The following WDR49 variants were observed in gnomAD, a reference collection of about 807,000 sequenced individuals.
WDR49 encodes cilia- and flagella-associated protein 337.
Under a neutral mutation model 119.5 loss-of-function variants are expected in WDR49, and 107 were observed. That is an observed-to-expected ratio of 0.90 (90% CI 0.77 to 1.05). The LOEUF (loss-of-function observed/expected upper bound fraction) is 1.05, where lower values mean the gene tolerates loss of function less well. WDR49 is among the 50% of genes least tolerant of loss of function. WDR49 has a pLI of 0.00. For synonymous variants in WDR49, 425 were observed against 418.8 expected (o/e 1.01, Z -0.18); for missense variants, 1,240 against 1,220.5 (o/e 1.02, Z -0.24).
intron 8 of WDR49, among the ~76,000 whole-genome samples, chr3:167,572,938 T>C (rs1236829010): frequency 6.6e-6 from 1 of 152,060 alleles, no homozygotes; most frequent in African/African-American, 2.4e-5. Context: ...GAAGCAGAGG[T>C]AGGGAAAAAC....
intron 18 of WDR49, among the ~76,000 whole-genome samples, chr3:167,490,363 A>G (rs942111722): frequency 6.6e-5 from 10 of 152,122 alleles, no homozygotes; most frequent in Non-Finnish European, 1.2e-4. Flanking sequence ...ATGTAGAGCA[A>G]TAGGAAGGAT....
intron 7 of WDR49, among the ~76,000 whole-genome samples, chr3:167,596,901 T>TAAATAAATAAAG (rs1715489545): frequency 7.3e-6 from 1 of 136,064 alleles, no homozygotes; most frequent in African/African-American, 2.7e-5. Context: ...AATAAATAAA[T>TAAATAAATAAAG]AAAGATGTTT....
In WDR49 at chr3:167,575,922, T is replaced by C. The variant is rs1378563391; in HGVS notation, c.1505A>G (p.Lys502Arg). 1 of 1,614,084 alleles carries C rather than the reference T, an allele frequency of 6.2e-7. No individual in the cohort carries two copies. The highest frequency in any genetic ancestry group is 8.5e-7 in the Non-Finnish European group (1 of 1,179,940). Residue 502 changes from lysine to arginine, a missense_variant, in exon 8 of 19, where the codon AAG becomes AGG. By Grantham distance (26) the Lys-to-Arg change is conservative. Coordinates refer to ENST00000682715, the MANE Select transcript of WDR49 (RefSeq NM_001366157.1). ...VTCVLYNSIL[K>R]QVISSDTGST... ...AAGAAAAGAAAGCATCATTACCTGC[T>C]TCAAGATAGAATTGTAAAGAACACA...
chr3:167,602,227 A>G lies in WDR49; in HGVS notation c.1175T>C (p.Val392Ala), dbSNP rs1447142867. The G allele has an allele frequency of 6.2e-7, 1 of 1,602,694 alleles. No individual in the cohort carries two copies. Among genetic ancestry groups the G allele is most frequent in the Non-Finnish European group, 8.5e-7 (1 of 1,171,724 alleles). Residue 392 changes from valine to alanine, a missense_variant, in exon 7 of 19, where the codon GTC becomes GCC. Coordinates refer to ENST00000682715, the MANE Select transcript of WDR49 (RefSeq NM_001366157.1). ...CCAAAGGACACCCACTGGTTTAGAG[A>G]CAACATAGGGATTCCAAAGGCAAAC... ...NKVCLWNPYVVSKPVGVLWGH... is the reference protein window; with the variant it reads ...NKVCLWNPYVASKPVGVLWGH...
intron 2 of WDR49, among the ~76,000 whole-genome samples, chr3:167,637,539 G>C (rs1717679984): frequency 6.6e-6 from 1 of 151,254 alleles, no homozygotes; most frequent in Non-Finnish European, 1.5e-5. Flanking sequence ...GAATAGTGGT[G>C]GTATTTTGAT....
At chr3:167,546,217 C>A (rs1053517132) in intron 10 of WDR49, among the ~76,000 whole-genome samples, 1 of 151,764 alleles carries the variant, frequency 6.6e-6, no homozygotes, top group African/African-American at 2.4e-5. Context: ...GAATTAACAC[C>A]AAAAGCACAA....
chr3:167,479,642 C>A (rs1037632734), intron 18 of WDR49, among the ~76,000 whole-genome samples: 10 of 152,128 alleles, frequency 6.6e-5, no homozygotes, highest in Non-Finnish European at 1.2e-4. Context: ...GACTAAGTCA[C>A]AACCTTTCTT....
chr3:167,562,103 G>T (rs1376249905), intron 8 of WDR49, among the ~76,000 whole-genome samples: 1 of 152,094 alleles, frequency 6.6e-6, no homozygotes, highest in African/African-American at 2.4e-5. Context: ...AGTTTTACTG[G>T]GAGAGGGCCC....
At chr3:167,652,923 G>T (rs1484145137) in intron 2 of WDR49, among the ~76,000 whole-genome samples, 2 of 152,186 alleles carry the variant, frequency 1.3e-5, no homozygotes, top group Non-Finnish European at 2.9e-5. Flanking sequence ...TCACCTTAGA[G>T]ATCTGGCTTT....
At chr3:167,538,562 C>T (rs113941387) in intron 10 of WDR49, among the ~76,000 whole-genome samples, 3 of 152,056 alleles carry the variant, frequency 2.0e-5, no homozygotes, top group African/African-American at 7.2e-5. Flanking sequence ...CATTCTTCAT[C>T]TGGCTACTAG....
intron 18 of WDR49, among the ~76,000 whole-genome samples, chr3:167,483,676 T>G (rs1750810808): frequency 6.6e-6 from 1 of 152,152 alleles, no homozygotes; most frequent in Admixed American, 6.5e-5. Context: ...TTACTAGTAA[T>G]TTTTAGAGTT....
chr3:167,616,693 T>G (rs1277879854), intron 5 of WDR49, among the ~76,000 whole-genome samples: 2 of 151,834 alleles, frequency 1.3e-5, no homozygotes, highest in Non-Finnish European at 2.9e-5. Context: ...ATTTCCAAGT[T>G]TAATGAAAAC....
intron 10 of WDR49, among the ~76,000 whole-genome samples, chr3:167,549,660 G>A (rs1246551562): frequency 6.6e-6 from 1 of 152,060 alleles, no homozygotes; most frequent in Non-Finnish European, 1.5e-5. Context: ...TCACTCTGAT[G>A]GTAGTTTCTT....
intron 8 of WDR49, among the ~76,000 whole-genome samples, chr3:167,568,897 G>A (rs901197155): frequency 1.3e-5 from 2 of 152,074 alleles, no homozygotes; most frequent in African/African-American, 4.8e-5. Flanking sequence ...ACAGCAACAG[G>A]GGGTGGCTAT....
intron 17 of WDR49, among the ~76,000 whole-genome samples, 195 bp from the exon 18 acceptor site, chr3:167,500,494 C>CA (rs1376462940): frequency 2.0e-5 from 3 of 152,128 alleles, no homozygotes; most frequent in African/African-American, 7.2e-5. Context: ...GCTTTTTATT[C>CA]AAAGGAACCA....
chr3:167,516,137 T>A (rs1224493884), intron 16 of WDR49, among the ~76,000 whole-genome samples: 1 of 152,170 alleles, frequency 6.6e-6, no homozygotes, highest in Admixed American at 6.5e-5. Context: ...AGTTTTAGGG[T>A]ACATGTGCAC....
intron 2 of WDR49, among the ~76,000 whole-genome samples, chr3:167,631,228 G>A (rs971141195): frequency 1.3e-5 from 2 of 151,936 alleles, no homozygotes; most frequent in African/African-American, 2.4e-5. Context: ...TATCAAACCC[G>A]CACGTTGTGC....
At chr3:167,608,024 G>A (rs1716146585) in intron 5 of WDR49, among the ~76,000 whole-genome samples, 1 of 152,078 alleles carries the variant, frequency 6.6e-6, no homozygotes, top group Non-Finnish European at 1.5e-5. Context: ...TCCTATAAAG[G>A]AGAATCCTTT....
intron 16 of WDR49, among the ~76,000 whole-genome samples, chr3:167,506,284 C>A (rs1427137015): frequency 4.6e-5 from 7 of 152,086 alleles, no homozygotes; most frequent in Non-Finnish European, 8.8e-5. Flanking sequence ...ATACTTTCAG[C>A]CTCAATTTTC....
Sources: gnomAD v4.1 joint callset for allele counts (sites outside exome capture counted in the v4.1 genomes callset) on GRCh38, gnomAD v4.1.1 for gene constraint, MANE v1.5 for transcripts, NCBI Gene and HGNC (gene_info 2026-07-23, HGNC 2026-07-21) for gene names.